The following CLK4 variants were observed in gnomAD, a reference collection of about 807,000 sequenced individuals.
CLK4 encodes the protein CDC like kinase 4, also known as dual specificity protein kinase CLK4.
A neutral mutation model predicts 64.4 loss-of-function variants in CLK4; 37 were observed. That is an observed-to-expected ratio of 0.57 (90% CI 0.44 to 0.76). The LOEUF (loss-of-function observed/expected upper bound fraction) is 0.76, where lower values mean the gene tolerates loss of function less well. Ranked by LOEUF, CLK4 falls within the 30% of genes least tolerant of loss-of-function variation. The probability of loss-of-function intolerance (pLI) is 0.00; values close to 1 mark genes in which losing one functional copy is unlikely to be tolerated. For synonymous variants in CLK4, 175 were observed against 191.6 expected (o/e 0.91, Z 0.72); for missense variants, 457 against 605.1 (o/e 0.76, Z 2.57).
chr5:178,622,630 C>A (rs75807803), intron 2 of CLK4: 1,618 of 159,986 alleles, frequency 0.01, 17 homozygotes, highest in Non-Finnish European at 0.011. Context: ...AATAAAACAG[C>A]ACACATGCTG....
chr5:178,604,746 C>G (rs570638602), intron 11 of CLK4: 1 of 152,212 alleles, frequency 6.6e-6, no homozygotes, highest in Admixed American at 6.6e-5. Flanking sequence ...CTCACTCACC[C>G]GCCACTCACC....
chr5:178,611,372 T>G (rs1431260889), intron 9 of CLK4, among the ~76,000 whole-genome samples: 1 of 152,200 alleles, frequency 6.6e-6, no homozygotes, highest in African/African-American at 2.4e-5. Context: ...GAGTTGTGCT[T>G]GTTCAATATG....
chr5:178,602,800 C>T lies in CLK4; in HGVS notation c.*817G>A, dbSNP rs932985882. The T allele has an allele frequency of 6.6e-6, 1 of 152,200 alleles. No homozygotes were observed. Among genetic ancestry groups the T allele is most frequent in the African/African-American group, 2.4e-5 (1 of 41,446 alleles). 9.4% of individuals were successfully genotyped at this position (152,200 alleles called of 1,614,324 possible). A position where few individuals can be genotyped will look rare whatever the true frequency, so the allele number is the denominator to read the frequency against. ...AGACATAAATTGCCTAATTAATAAA[C>T]TTAATTCTTATAGGTTTACGTATTT... On this transcript the variant is annotated 3_prime_UTR_variant, in exon 13 of 13. Coordinates refer to ENST00000316308, the MANE Select transcript of CLK4 (RefSeq NM_020666.3).
rs751514381 is a variant in CLK4, at chr5:178,618,762, T to C, written c.178A>G (p.Arg60Gly). ...CGATAATCTCGCTCATTCAAGGACCTTGCTTCTAAATAATGACTGCAAACA... is the reference window on the plus strand; with the variant it reads ...CGATAATCTCGCTCATTCAAGGACCCTGCTTCTAAATAATGACTGCAAACA... ...KESDCHYLEA[R>G]SLNERDYRDR... The change falls in exon 3 of 13, where the codon AGG (arginine) becomes GGG (glycine). Residue 60 changes from arginine (R) to glycine (G), a missense_variant. Coordinates refer to ENST00000316308, the MANE Select transcript of CLK4 (RefSeq NM_020666.3). The C allele has an allele frequency of 2.5e-6, 4 of 1,612,752 alleles. No homozygotes were observed. The Admixed American group carries it at 5.0e-5, about 20-fold the overall frequency.
intron 1 of CLK4, 26 bp downstream of exon 1, chr5:178,626,920 C>G (rs959916019): frequency 6.5e-6 from 1 of 152,882 alleles, no homozygotes; most frequent in Admixed American, 6.5e-5. Context: ...GCCGCCTGTC[C>G]CAGCACACAC....
chr5:178,607,589 C>T (rs1764486395), intron 10 of CLK4, among the ~76,000 whole-genome samples: 2 of 140,868 alleles, frequency 1.4e-5, no homozygotes, highest in Non-Finnish European at 3.0e-5. Context: ...TCGCTCACTG[C>T]AAGCTCCGCC....
chr5:178,612,256 GA>G (rs1422888813), intron 9 of CLK4, among the ~76,000 whole-genome samples, 159 bp downstream of exon 9: 4 of 152,088 alleles, frequency 2.6e-5, no homozygotes, highest in African/African-American at 7.2e-5. Flanking sequence ...TACCACTCAG[GA>G]AAAGTATTTA....
rs371797215 is a variant in CLK4 at position 178,613,419 on chromosome 5, AAAATAAAT to A, written c.826+46_826+53del. The A allele has an allele frequency of 4.0e-3, 4,732 of 1,196,168 alleles. 32 individuals are homozygous for A. Among genetic ancestry groups the A allele is most frequent in the Admixed American group, 9.4e-3 (254 of 27,018 alleles). 74.1% of individuals were successfully genotyped at this position (1,196,168 alleles called of 1,614,324 possible). A position where few individuals can be genotyped will look rare whatever the true frequency, so the allele number is the denominator to read the frequency against. On this transcript the variant is annotated intron_variant, in intron 7 of 12. Coordinates refer to ENST00000316308, the MANE Select transcript of CLK4 (RefSeq NM_020666.3). ...GGGTGACAGAGCGAGACTCCGTCTC[AAAATAAAT>A]AAATAAATAAATAAATAAAAATAAA...
At chr5:178,606,641 A>G (rs1417974573) in intron 10 of CLK4, among the ~76,000 whole-genome samples, 2 of 152,156 alleles carry the variant, frequency 1.3e-5, no homozygotes, top group African/African-American at 2.4e-5. Context: ...AAGTTCTTCA[A>G]TGGTTGCATC....
At chr5:178,618,472 A>G (rs1764658894) in intron 3 of CLK4, 84 bp downstream of exon 3, 1 of 449,270 alleles carries the variant, frequency 2.2e-6, no homozygotes, top group East Asian at 4.4e-5. Flanking sequence ...ATATATATAT[A>G]TATAAAAAAT....
chr5:178,615,731 T>C (rs1029518751), intron 5 of CLK4, among the ~76,000 whole-genome samples: 1 of 152,192 alleles, frequency 6.6e-6, no homozygotes, highest in Non-Finnish European at 1.5e-5. Context: ...TAATTTATGA[T>C]AAAAAATTTT....
intron 5 of CLK4, among the ~76,000 whole-genome samples, chr5:178,616,298 A>C (rs890359877): frequency 6.6e-6 from 1 of 152,132 alleles, no homozygotes; most frequent in Non-Finnish European, 1.5e-5. Flanking sequence ...GTATTTCTCC[A>C]TGTTGGTCAG....
intron 11 of CLK4, chr5:178,604,346 C>T (rs1056411404): frequency 1.3e-5 from 2 of 153,002 alleles, no homozygotes; most frequent in Admixed American, 6.6e-5. Context: ...ATAAATTTCA[C>T]ACTTAGAGTG....
chr5:178,618,877 A>G, intron 2 of CLK4, 99 bp from the exon 3 acceptor site: 1 of 827,144 alleles, frequency 1.2e-6, no homozygotes. Flanking sequence ...AGCTAACTCA[A>G]TATAAGAAAA....
In CLK4 at chr5:178,608,440, G is replaced by C. The variant is rs756240510; in HGVS notation, c.1070C>G (p.Pro357Arg). Residue 357 changes from proline (P) to arginine (R), a missense_variant, in exon 10 of 13, where the codon CCT (proline) becomes CGT (arginine). Pro to Arg is a moderately radical substitution (Grantham distance 103, BLOSUM62 -2). Coordinates refer to ENST00000316308, the MANE Select transcript of CLK4 (RefSeq NM_020666.3). ...EVILALGWSQ[P>R]CDVWSIGCIL... is the part of the protein sequence containing the mutation. ...GCAACCTATGCTCCAAACATCACAA[G>C]GCTGAGACCAACCTAAAGCTATTTT... is the stretch of plus-strand genomic sequence containing the variant. 1.9e-6 allele frequency: 3 copies of C among 1,608,660 alleles called. No individual in the cohort carries two copies. Among genetic ancestry groups the C allele is most frequent in the Non-Finnish European group, 2.5e-6 (3 of 1,178,182 alleles).
chr5:178,625,715 T>A (rs1764769773), intron 1 of CLK4, among the ~76,000 whole-genome samples: 1 of 152,206 alleles, frequency 6.6e-6, no homozygotes, highest in South Asian at 2.1e-4. Flanking sequence ...ACTCTCAAAT[T>A]ATCAGTTAAT....
chr5:178,623,020 C>T (rs1283576504), intron 2 of CLK4: 1 of 462,772 alleles, frequency 2.2e-6, no homozygotes, highest in Non-Finnish European at 3.8e-6. Context: ...CATTCACTTA[C>T]TGATCAACTG....
intron 9 of CLK4, among the ~76,000 whole-genome samples, chr5:178,612,039 T>G (rs1764564971): frequency 6.6e-6 from 1 of 152,320 alleles, no homozygotes; most frequent in South Asian, 2.1e-4. Flanking sequence ...CATCCTATAT[T>G]CTAGACATCT....
intron 2 of CLK4, chr5:178,619,865 T>C (rs752457863): frequency 3.9e-5 from 45 of 1,141,434 alleles, no homozygotes; most frequent in Admixed American, 6.9e-5. Context: ...TTCAACAGAG[T>C]GCGAAGCTTC....
Sources: allele counts gnomAD v4.1 joint callset (sites outside exome capture counted in the v4.1 genomes callset), GRCh38; gene constraint gnomAD v4.1.1; transcripts MANE v1.5; gene names NCBI Gene and HGNC (gene_info 2026-07-23, HGNC 2026-07-21).